Variants in TXNRD3 observed in about 807,000 individuals in gnomAD.
TXNRD3 encodes the protein TXNRD3 neighbor gene protein.
In TXNRD3, 68 loss-of-function variants were observed where a neutral mutation model predicts 78.2. The ratio of observed to expected loss-of-function variants is 0.87; its 90% CI spans 0.72 to 1.06. TXNRD3 has a LOEUF of 1.06. Ranked by LOEUF, TXNRD3 falls within the 50% of genes least tolerant of loss-of-function variation. The pLI is 0.00. For synonymous variants in TXNRD3, 296 were observed against 300.1 expected (o/e 0.99, Z 0.14); for missense variants, 751 against 809.5 (o/e 0.93, Z 0.88).
At position 126,615,402 on chromosome 3, in the gene TXNRD3, A is replaced by T. The variant is rs1184469696; in HGVS notation, c.1585T>A (p.Leu529Ile). The T allele has an allele frequency of 2.0e-6, 3 of 1,521,418 alleles. No individual in the cohort carries two copies. The African/African-American group carries it at 4.1e-5, about 21-fold the overall frequency. 94.2% of individuals were successfully genotyped at this position (1,521,418 alleles called of 1,614,324 possible). ...ACTTCAATAGCTTTCTCTTCAGATA[A>T]TCCACAGCAACCATACTCCAGAGGA... Residue 529 changes from leucine (L) to isoleucine (I), a missense_variant, in exon 13 of 16, where the codon TTA becomes ATA. Coordinates refer to ENST00000524230, the MANE Select transcript of TXNRD3 (RefSeq NM_052883.3).
At chr3:126,632,687 C>T (rs905782689) in intron 7 of TXNRD3, among the ~76,000 whole-genome samples, 1 of 148,406 alleles carries the variant, frequency 6.7e-6, no homozygotes, top group Non-Finnish European at 1.5e-5. Context: ...AAAGAAGCAA[C>T]AACAAAAAAG....
intron 12 of TXNRD3, among the ~76,000 whole-genome samples, chr3:126,619,800 C>G (rs956587225): frequency 2.6e-5 from 4 of 152,112 alleles, no homozygotes; most frequent in African/African-American, 9.7e-5. Context: ...ACATTGTATA[C>G]GTGTATCAAA....
At chr3:126,614,137 TAAAG>T (rs957900369) in intron 13 of TXNRD3, among the ~76,000 whole-genome samples, 3 of 152,110 alleles carry the variant, frequency 2.0e-5, no homozygotes, top group South Asian at 2.1e-4. Context: ...AATAAGGATA[TAAAG>T]AAAGAAATTA....
intron 6 of TXNRD3, among the ~76,000 whole-genome samples, chr3:126,637,932 CTTTTTTTTTTTTTTTT>C (rs71615916): frequency 3.3e-5 from 2 of 60,192 alleles, no homozygotes; most frequent in African/African-American, 7.2e-5. Flanking sequence ...ATTTCTCTCT[CTTTTTTTTTTTTTTTT>C]TTTTTTTTTT....
chr3:126,629,802 A>G (rs1938668243), intron 9 of TXNRD3, among the ~76,000 whole-genome samples: 2 of 152,250 alleles, frequency 1.3e-5, no homozygotes, highest in African/African-American at 4.8e-5. Flanking sequence ...TAGCAGGAGA[A>G]TATTTAGGTA....
chr3:126,654,439 G>C (rs911322755), intron 1 of TXNRD3, among the ~76,000 whole-genome samples: 1 of 152,230 alleles, frequency 6.6e-6, no homozygotes, highest in African/African-American at 2.4e-5. Flanking sequence ...AAGGCAGTGT[G>C]CATGAAGCTG....
intron 2 of TXNRD3, among the ~76,000 whole-genome samples, chr3:126,646,658 G>A (rs1933240660): frequency 6.6e-6 from 1 of 152,072 alleles, no homozygotes; most frequent in Non-Finnish European, 1.5e-5. Flanking sequence ...TACCTTATTG[G>A]TAAACCCTTT....
chr3:126,629,101 G>GTA (rs1385371646), intron 10 of TXNRD3, among the ~76,000 whole-genome samples: 1 of 151,928 alleles, frequency 6.6e-6, no homozygotes, highest in African/African-American at 2.4e-5. Flanking sequence ...ATTAAGAAAT[G>GTA]TATAAAATAT....
intron 9 of TXNRD3, 56 bp downstream of exon 9, chr3:126,630,656 G>C: frequency 7.0e-7 from 1 of 1,435,406 alleles, no homozygotes; most frequent in Non-Finnish European, 9.4e-7. Context: ...AATGAAGTAA[G>C]GTGAGATAAA....
rs1933484172 is a variant in TXNRD3 at position 126,655,066 on chromosome 3, G to A, written c.-76C>T. ...CAGGCGGCTGCGGCGCCGGGACGGGGCCTGAGGGGCGGCGAACGCTGCCCT... is the reference window on the plus strand; with the variant it reads ...CAGGCGGCTGCGGCGCCGGGACGGGACCTGAGGGGCGGCGAACGCTGCCCT... On this transcript the variant is annotated 5_prime_UTR_variant, in exon 1 of 16. Coordinates refer to ENST00000524230, the MANE Select transcript of TXNRD3 (RefSeq NM_052883.3). The A allele has an allele frequency of 3.8e-6, 5 of 1,299,906 alleles. No homozygotes were observed. Among genetic ancestry groups the A allele is most frequent in the Non-Finnish European group, 4.9e-6 (5 of 1,025,436 alleles). 80.5% of individuals were successfully genotyped at this position (1,299,906 alleles called of 1,614,324 possible). A position where few individuals can be genotyped will look rare whatever the true frequency, so the allele number is the denominator to read the frequency against.
intron 6 of TXNRD3, among the ~76,000 whole-genome samples, chr3:126,638,092 T>C (rs1031431480): frequency 4.0e-5 from 6 of 151,686 alleles, no homozygotes; most frequent in Non-Finnish European, 7.4e-5. Flanking sequence ...TACAGGCGCA[T>C]GCCACCATGC....
chr3:126,639,173 T>C (rs1932993686), intron 6 of TXNRD3, among the ~76,000 whole-genome samples: 2 of 152,114 alleles, frequency 1.3e-5, no homozygotes, highest in East Asian at 1.9e-4. Flanking sequence ...AGAGATTCCA[T>C]AAGTACCTGC....
At chr3:126,619,765 C>A (rs1212002307) in intron 12 of TXNRD3, among the ~76,000 whole-genome samples, 1 of 152,132 alleles carries the variant, frequency 6.6e-6, no homozygotes, top group Non-Finnish European at 1.5e-5. Flanking sequence ...AATGGATATG[C>A]TAACTACCCT....
intron 10 of TXNRD3, among the ~76,000 whole-genome samples, chr3:126,623,645 CTCTT>C (rs1243132059): frequency 6.6e-6 from 1 of 152,072 alleles, no homozygotes; most frequent in African/African-American, 2.4e-5. Context: ...AATTAAAACA[CTCTT>C]TCATAATTAA....
intron 1 of TXNRD3, among the ~76,000 whole-genome samples, chr3:126,651,391 A>G (rs79338215): frequency 0.021 from 3,243 of 152,340 alleles, 53 homozygotes; most frequent in Non-Finnish European, 0.031. Context: ...AAATTCCAAT[A>G]ATCAGAGTTG....
chr3:126,622,584 G>A (rs1230790238), intron 10 of TXNRD3, 44 bp from the exon 11 acceptor site: 2 of 1,416,350 alleles, frequency 1.4e-6, no homozygotes, highest in Non-Finnish European at 1.9e-6. Context: ...TCCATATCGG[G>A]AATGAAAGAA....
At chr3:126,613,849 C>T (rs1481454717) in intron 13 of TXNRD3, among the ~76,000 whole-genome samples, 1 of 152,256 alleles carries the variant, frequency 6.6e-6, no homozygotes, top group South Asian at 2.1e-4. Context: ...TTTATTATAC[C>T]ATACATTCTA....
In TXNRD3 at chr3:126,630,743, A is replaced by C; in HGVS notation, c.1166T>G (p.Val389Gly). ...AGGTATGAATTTCCGTAGGAACTTCACACCATGCTGCTCCATGTAGGAACC... is the reference window on the plus strand; with the variant it reads ...AGGTATGAATTTCCGTAGGAACTTCCCACCATGCTGCTCCATGTAGGAACC... Residue 389 changes from valine (V) to glycine (G), a missense_variant, in exon 9 of 16, where the codon GTG (valine) becomes GGG (glycine). Physicochemically the swap from Val to Gly is moderately radical, Grantham distance 109. Coordinates refer to ENST00000524230, the MANE Select transcript of TXNRD3 (RefSeq NM_052883.3). 1 of 1,534,372 alleles carries C rather than the reference A, an allele frequency of 6.5e-7. No homozygotes were observed. The highest frequency in any genetic ancestry group is 8.7e-7 in the Non-Finnish European group (1 of 1,146,862).
In TXNRD3 at chr3:126,607,834, AT is replaced by A; in HGVS notation, c.*70del. On this transcript the variant is annotated 3_prime_UTR_variant, in exon 16 of 16. Coordinates refer to ENST00000524230, the MANE Select transcript of TXNRD3 (RefSeq NM_052883.3). ...GAGCAGCTGTCATGAGCACAGGCTCATTTTATCCGAGAGCATTCTTATCTTT... is the reference window on the plus strand; with the variant it reads ...GAGCAGCTGTCATGAGCACAGGCTCATTTATCCGAGAGCATTCTTATCTTT... 7.5e-7 allele frequency: 1 copy of A among 1,339,252 alleles called. No homozygotes were observed. Among genetic ancestry groups the A allele is most frequent in the South Asian group, 1.4e-5 (1 of 70,398 alleles). The allele number at this position is 1,339,252 out of a possible 1,614,324, so 83.0% of individuals were successfully genotyped here. A position where few individuals can be genotyped will look rare whatever the true frequency, so the allele number is the denominator to read the frequency against.
Sources: allele counts gnomAD v4.1 joint callset (sites outside exome capture counted in the v4.1 genomes callset), GRCh38; gene constraint gnomAD v4.1.1; transcripts MANE v1.5; gene names NCBI Gene and HGNC (gene_info 2026-07-23, HGNC 2026-07-21).